ZNF536: variants seen among roughly 807,000 people sequenced by gnomAD.
ZNF536 encodes the protein zinc finger protein 536.
In ZNF536, 13 loss-of-function variants were observed where a neutral mutation model predicts 84.5. That is an observed-to-expected ratio of 0.15 (90% CI 0.10 to 0.24). The LOEUF is 0.24. Among genes scored for constraint, ZNF536 ranks in the 10% least tolerant of loss-of-function variants. ZNF536 has a pLI of 1.00. For synonymous variants in ZNF536, 811 were observed against 742.5 expected, an observed-to-expected ratio of 1.09 and a Z score of -1.50; for missense variants, 1,536 against 1,747.5, an observed-to-expected ratio of 0.88 and a Z score of 2.16.
At chr19:30,540,586 G>A (rs2045291341) in intron 3 of ZNF536, among the ~76,000 whole-genome samples, 1 of 152,170 alleles carries the variant, frequency 6.6e-6, no homozygotes, top group African/African-American at 2.4e-5. Flanking sequence ...AGGGGAGGGC[G>A]CTGAGCCTCA....
At chr19:30,354,226 C>T (rs1310289935) in intron 3 of ZNF536, among the ~76,000 whole-genome samples, 1 of 129,084 alleles carries the variant, frequency 7.7e-6, no homozygotes, top group Non-Finnish European at 1.7e-5. Context: ...ACACAGAGAG[C>T]GGGAGGAGGA....
At chr19:30,440,257 G>A (rs536765389) in intron 1 of ZNF536, among the ~76,000 whole-genome samples, 4 of 151,900 alleles carry the variant, frequency 2.6e-5, no homozygotes, top group South Asian at 2.1e-4. Flanking sequence ...CACCATGGCC[G>A]GCCAGAGGTG....
rs772692524 is a variant in ZNF536, at chr19:30,549,114, C to G, written c.3495C>G (p.Ala1165=). Residue 1165 remains alanine (A), a synonymous_variant, in exon 4 of 5, where the codon GCC becomes GCG. Transcript: ENST00000355537. ...KNTTDDLSDI[A]SSEDMDSSKG... is the part of the protein sequence containing the mutation. ...CTACTGATGACCTCTCTGACATTGC[C>G]TCCTCAGAGGACATGGACTCCTCCA... The G allele has an allele frequency of 1.2e-6, 2 of 1,614,126 alleles. No individual in the cohort carries two copies. The highest frequency in any genetic ancestry group is 1.7e-6 in the Non-Finnish European group (2 of 1,180,042).
At chr19:30,294,577 G>A (rs1240175488) in intron 2 of ZNF536, among the ~76,000 whole-genome samples, 1 of 151,748 alleles carries the variant, frequency 6.6e-6, no homozygotes, top group African/African-American at 2.4e-5. Context: ...GTGTGTGTGT[G>A]TGTGTGTGTG....
intron 1 of ZNF536, among the ~76,000 whole-genome samples, chr19:30,610,735 C>T (rs1436291492): frequency 2.6e-5 from 4 of 152,102 alleles, no homozygotes; most frequent in Admixed American, 6.5e-5. Flanking sequence ...CCCTGTCACC[C>T]GACTGTCATT....
At chr19:30,678,011 C>T (rs1444868720) in intron 1 of ZNF536, among the ~76,000 whole-genome samples, 2 of 152,124 alleles carry the variant, frequency 1.3e-5, no homozygotes, top group Non-Finnish European at 2.9e-5. Flanking sequence ...CTTCTGGCCA[C>T]GGTTGAGAAT....
intron 1 of ZNF536, among the ~76,000 whole-genome samples, chr19:30,573,666 G>A (rs541774985): frequency 4.4e-4 from 67 of 152,270 alleles, no homozygotes; most frequent in Non-Finnish European, 6.3e-4. Context: ...ACACCCACCC[G>A]GTTTCCTTTT....
At chr19:30,509,617 C>G (rs1208927439) in intron 2 of ZNF536, among the ~76,000 whole-genome samples, 2 of 151,712 alleles carry the variant, frequency 1.3e-5, no homozygotes, top group Non-Finnish European at 2.9e-5. Flanking sequence ...AAAAAGGTTA[C>G]TGTAGTGAAG....
intron 2 of ZNF536, among the ~76,000 whole-genome samples, chr19:30,448,760 A>G (rs1321546902): frequency 6.6e-6 from 1 of 152,238 alleles, no homozygotes; most frequent in African/African-American, 2.4e-5. Context: ...AAGAAGGCTT[A>G]CAATGAGTGG....
At chr19:30,643,404 T>C (rs1275329811) in intron 1 of ZNF536, among the ~76,000 whole-genome samples, 1 of 152,226 alleles carries the variant, frequency 6.6e-6, no homozygotes, top group Non-Finnish European at 1.5e-5. Flanking sequence ...TGGGGCTTGG[T>C]GGAACATTTA....
At chr19:30,499,975 C>G (rs1409092201) in intron 2 of ZNF536, among the ~76,000 whole-genome samples, 1 of 152,206 alleles carries the variant, frequency 6.6e-6, no homozygotes, top group African/African-American at 2.4e-5. Context: ...CCCCACCTAC[C>G]AGGGACTTTT....
chr19:30,685,289 G>C (rs749957855), intron 1 of ZNF536, among the ~76,000 whole-genome samples: 8 of 152,206 alleles, frequency 5.3e-5, no homozygotes, highest in Non-Finnish European at 1.0e-4. Context: ...TGAGTAGGGG[G>C]CTTTAGAACA....
intron 2 of ZNF536, among the ~76,000 whole-genome samples, chr19:30,493,523 C>G (rs1426411092): frequency 6.6e-6 from 1 of 152,098 alleles, no homozygotes; most frequent in Non-Finnish European, 1.5e-5. Context: ...GACACATAGA[C>G]CAAGAGAAAG....
intron 2 of ZNF536, among the ~76,000 whole-genome samples, chr19:30,326,482 G>A (rs1158003797): frequency 6.6e-6 from 1 of 152,160 alleles, no homozygotes. Flanking sequence ...TGTCCTCCAG[G>A]CAGCCGGACA....
At chr19:30,606,096 C>T (rs1342928177) in intron 1 of ZNF536, among the ~76,000 whole-genome samples, 1 of 150,752 alleles carries the variant, frequency 6.6e-6, no homozygotes, top group East Asian at 1.9e-4. Context: ...CAAGGCTGCA[C>T]TGAGCCATGA....
At chr19:30,227,561 G>A (rs2022683221), upstream of ZNF536, among the ~76,000 whole-genome samples, 1 of 152,130 alleles carries the variant, frequency 6.6e-6, no homozygotes, top group African/African-American at 2.4e-5. Context: ...CAGAAAATAC[G>A]GCAGCTGCGA....
At chr19:30,697,688 T>C (rs1568682177) in intron 1 of ZNF536, among the ~76,000 whole-genome samples, 1 of 152,196 alleles carries the variant, frequency 6.6e-6, no homozygotes, top group Admixed American at 6.5e-5. Flanking sequence ...ATCTACAGTC[T>C]TCATCACTGT....
intron 1 of ZNF536, among the ~76,000 whole-genome samples, chr19:30,625,263 A>T (rs990292695): frequency 6.6e-6 from 1 of 152,060 alleles, no homozygotes; most frequent in Non-Finnish European, 1.5e-5. Context: ...TCACCCCCCA[A>T]TCAGGGAGTC....
At chr19:30,637,683 C>A (rs2049118981) in intron 1 of ZNF536, among the ~76,000 whole-genome samples, 1 of 152,204 alleles carries the variant, frequency 6.6e-6, no homozygotes, top group Admixed American at 6.5e-5. Flanking sequence ...TTCTTCCAAT[C>A]CAAACCCAAA....
Sources: allele counts gnomAD v4.1 joint callset (sites outside exome capture counted in the v4.1 genomes callset), GRCh38; gene constraint gnomAD v4.1.1; transcripts MANE v1.5; gene names NCBI Gene and HGNC (gene_info 2026-07-23, HGNC 2026-07-21).